SLC22A2: variants seen among roughly 807,000 people sequenced by gnomAD.
SLC22A2 encodes solute carrier family 22 member 2, also known as organic cation transporter 2.
A neutral mutation model predicts 60.5 loss-of-function variants in SLC22A2; 46 were observed. That is an observed-to-expected ratio of 0.76 (90% CI 0.60 to 0.97). The LOEUF (loss-of-function observed/expected upper bound fraction) is 0.97. SLC22A2 is among the 50% of genes least tolerant of loss of function. The pLI, the probability that SLC22A2 is intolerant of heterozygous loss-of-function variation, is 0.00. For missense variants in SLC22A2, 701 were observed against 706.6 expected (o/e 0.99, Z 0.09); for synonymous variants, 303 against 267.0 (o/e 1.13, Z -1.31).
intron 9 of SLC22A2, among the ~76,000 whole-genome samples, chr6:160,236,776 G>A (rs1291077600): frequency 6.6e-6 from 1 of 152,112 alleles, no homozygotes; most frequent in Admixed American, 6.6e-5. Context: ...AGACCCAGGA[G>A]CCTGAGTTAC....
At chr6:160,245,312 C>T (rs768196073) in intron 6 of SLC22A2, 127 bp downstream of exon 6, 5 of 542,616 alleles carry the variant, frequency 9.2e-6, no homozygotes, top group Admixed American at 3.5e-5. Flanking sequence ...CTACCAGACA[C>T]AACCCACATT....
At chr6:160,237,912 C>T (rs1261614110) in intron 9 of SLC22A2, among the ~76,000 whole-genome samples, 1 of 152,228 alleles carries the variant, frequency 6.6e-6, no homozygotes, top group African/African-American at 2.4e-5. Flanking sequence ...CACTGCTACA[C>T]TCCCACCAGT....
Position 160,243,673 on chromosome 6 carries a change from A to G in SLC22A2, c.1178T>C (p.Met393Thr), listed in dbSNP as rs141205337. ...SALVEFPAAFMIILTIDRIGR... is the reference protein window; with the variant it reads ...SALVEFPAAFTIILTIDRIGR... ...GATGCGGTCGATGGTGAGGATGATC[A>G]TGAAGGCAGCTGGGAATTCAACCAG... Residue 393 changes from methionine (M) to threonine (T), a missense_variant, in exon 7 of 11, where the codon ATG becomes ACG. Coordinates refer to ENST00000366953, the MANE Select transcript of SLC22A2 (RefSeq NM_003058.4). 1.5e-4 allele frequency: 250 copies of G among 1,614,090 alleles called. No homozygotes were observed. The highest frequency in any genetic ancestry group is 8.8e-4 in the South Asian group (80 of 91,082).
At chr6:160,222,365 A>G (rs1056010191) in intron 10 of SLC22A2, among the ~76,000 whole-genome samples, 1 of 152,226 alleles carries the variant, frequency 6.6e-6, no homozygotes, top group Non-Finnish European at 1.5e-5. Context: ...AGCCACACAC[A>G]TGGGAAATGT....
chr6:160,224,953 T>C (rs1014483923), intron 9 of SLC22A2, 149 bp from the exon 10 acceptor site: 1 of 466,796 alleles, frequency 2.1e-6, no homozygotes, highest in Non-Finnish European at 3.8e-6. Context: ...TGCTGTATTT[T>C]CCATTATAAA....
intron 10 of SLC22A2, among the ~76,000 whole-genome samples, chr6:160,223,685 G>A (rs1387046407): frequency 6.6e-6 from 1 of 152,082 alleles, no homozygotes; most frequent in African/African-American, 2.4e-5. Flanking sequence ...GAGGTGTAGA[G>A]TTACTAGGTT....
At chr6:160,245,760 G>A (rs2114866076) in intron 5 of SLC22A2, among the ~76,000 whole-genome samples, 1 of 139,998 alleles carries the variant, frequency 7.1e-6, no homozygotes, top group South Asian at 2.3e-4. Flanking sequence ...GTGCAGTGGT[G>A]CAATCTCGGC....
Position 160,258,352 on chromosome 6 carries a change from C to G in SLC22A2, c.406G>C (p.Val136Leu), listed in dbSNP as rs576766802. 6.8e-6 allele frequency: 11 copies of G among 1,607,124 alleles called. No individual in the cohort carries two copies. The highest frequency in any genetic ancestry group is 8.5e-7 in the Non-Finnish European group (1 of 1,176,844). The change falls in exon 1 of 11, where the codon GTC becomes CTC. Residue 136 changes from valine to leucine, a missense_variant. Transcript: ENST00000366953. ...WVYETPGSSI[V>L]TEFNLVCANS... is the part of the protein sequence containing the mutation. ...TGAGCTCACTCTCTTACCTCGGTGA[C>G]GATGGACGAGCCAGGCGTCTCGTAC...
chr6:160,258,360 G>T lies in SLC22A2; in HGVS notation c.398C>A (p.Ser133Ter), dbSNP rs771411024. ...RDGWVYETPG[S>*]SIVTEFNLVC... ...CTCTCTTACCTCGGTGACGATGGAC[G>T]AGCCAGGCGTCTCGTACACCCAGCC... Residue 133 changes from serine (S) to a stop codon, truncating the protein, a stop_gained, in exon 1 of 11, where the codon TCG (serine) becomes TAG (stop). Coordinates refer to ENST00000366953, the MANE Select transcript of SLC22A2 (RefSeq NM_003058.4). LOFTEE classifies it high-confidence loss of function. 2.5e-6 allele frequency: 4 copies of T among 1,610,112 alleles called. No individual in the cohort carries two copies. Among genetic ancestry groups the T allele is most frequent in the Non-Finnish European group, 3.4e-6 (4 of 1,178,198 alleles).
rs747859662 is a variant in SLC22A2 at position 160,258,671 on chromosome 6, G to A, written c.87C>T (p.Leu29=). The change falls in exon 1 of 11, where the codon CTC becomes CTT. Residue 29 remains leucine, a synonymous_variant. Transcript: ENST00000366953. ...CGTAGATGGGCGCGAAGGTAGCCGA[G>A]AGCAGAGCCAAGAGGAAAAACATTT... ...QKQMFFLLAL[L]SATFAPIYVG... is the part of the protein sequence containing the mutation. The A allele has an allele frequency of 6.2e-7, 1 of 1,612,838 alleles. No homozygotes were observed. Among genetic ancestry groups the A allele is most frequent in the Non-Finnish European group, 8.5e-7 (1 of 1,179,408 alleles).
chr6:160,258,356 G>A lies in SLC22A2; in HGVS notation c.402C>T (p.Ser134=). ...CTCACTCTCTTACCTCGGTGACGATGGACGAGCCAGGCGTCTCGTACACCC... is the reference window on the plus strand; with the variant it reads ...CTCACTCTCTTACCTCGGTGACGATAGACGAGCCAGGCGTCTCGTACACCC... ...DGWVYETPGS[S]IVTEFNLVCA... is the part of the protein sequence containing the mutation. Residue 134 remains serine (S), a synonymous_variant, in exon 1 of 11, where the codon TCC becomes TCT. Coordinates refer to ENST00000366953, the MANE Select transcript of SLC22A2 (RefSeq NM_003058.4). 2.5e-6 allele frequency: 4 copies of A among 1,609,304 alleles called. No individual in the cohort carries two copies. Among genetic ancestry groups the A allele is most frequent in the Middle Eastern group, 1.7e-4 (1 of 6,028 alleles).
chr6:160,243,325 G>C (rs930262565), intron 7 of SLC22A2, among the ~76,000 whole-genome samples: 15 of 151,996 alleles, frequency 9.9e-5, no homozygotes, highest in Admixed American at 2.0e-4. Flanking sequence ...AGGTCATCTT[G>C]ATGGCCTGTA....
chr6:160,257,220 G>A (rs1013025296), intron 1 of SLC22A2, among the ~76,000 whole-genome samples: 7 of 152,190 alleles, frequency 4.6e-5, no homozygotes, highest in Non-Finnish European at 1.0e-4. Context: ...ATGCAGATAG[G>A]TGTGTGGACG....
At chr6:160,233,502 G>A (rs1782859674) in intron 9 of SLC22A2, among the ~76,000 whole-genome samples, 1 of 151,810 alleles carries the variant, frequency 6.6e-6, no homozygotes, top group Non-Finnish European at 1.5e-5. Flanking sequence ...AAAGGACTCT[G>A]TCAAGAATAG....
At chr6:160,239,218 G>A (rs1032478632) in intron 9 of SLC22A2, among the ~76,000 whole-genome samples, 2 of 152,130 alleles carry the variant, frequency 1.3e-5, no homozygotes, top group Admixed American at 6.5e-5. Context: ...GGTGATGTCC[G>A]GAAGTCACCC....
intron 8 of SLC22A2, among the ~76,000 whole-genome samples, chr6:160,241,898 T>C (rs1396748257): frequency 2.0e-5 from 3 of 151,434 alleles, no homozygotes; most frequent in Non-Finnish European, 1.5e-5. Flanking sequence ...TATATATACA[T>C]AATTCCATTC....
Position 160,217,168 on chromosome 6 carries a change from T to A in SLC22A2, c.*264A>T, listed in dbSNP as rs557341425. 43 of 341,442 alleles carry A rather than the reference T, an allele frequency of 1.3e-4. 1 individual carries two copies. In the South Asian group the frequency reaches 2.7e-3, roughly 22 times the overall value. 21.2% of individuals were successfully genotyped at this position (341,442 alleles called of 1,614,324 possible). The stretch of plus-strand genomic sequence containing the variant: ...AATCAAATTTAAAAAAATACAAAGA[T>A]GGAAAAAAAACCCTCCAGAAAACCA... On this transcript the variant is annotated 3_prime_UTR_variant, in exon 11 of 11. Coordinates refer to ENST00000366953, the MANE Select transcript of SLC22A2 (RefSeq NM_003058.4).
At chr6:160,218,305 T>A in intron 10 of SLC22A2, 1 of 186,604 alleles carries the variant, frequency 5.4e-6, no homozygotes, top group Non-Finnish European at 1.0e-5. Context: ...TAACAACAAC[T>A]ACAGCAGCAG....
chr6:160,218,501 G>A (rs1782578786), intron 10 of SLC22A2, among the ~76,000 whole-genome samples: 1 of 147,828 alleles, frequency 6.8e-6, no homozygotes, highest in South Asian at 2.5e-4. Flanking sequence ...AGCAACAGCA[G>A]CAACAATAGT....
Sources: gnomAD v4.1 joint callset for allele counts (sites outside exome capture counted in the v4.1 genomes callset) on GRCh38, gnomAD v4.1.1 for gene constraint, MANE v1.5 for transcripts, NCBI Gene and HGNC (gene_info 2026-07-23, HGNC 2026-07-21) for gene names.